ZBTB32: variants seen among roughly 807,000 people sequenced by gnomAD.
The protein encoded by ZBTB32 is zinc finger and BTB domain containing 32.
In ZBTB32, 28 loss-of-function variants were observed where a neutral mutation model predicts 45.3. The ratio of observed to expected loss-of-function variants is 0.62; its 90% confidence interval spans 0.46 to 0.85. ZBTB32 has a LOEUF of 0.85. Among genes scored for constraint, ZBTB32 ranks in the 40% least tolerant of loss-of-function variants. The pLI is 0.00. For synonymous variants in ZBTB32, 283 were observed against 255.7 expected, an observed-to-expected ratio of 1.11 and a Z score of -1.02; for missense variants, 587 against 624.4, an observed-to-expected ratio of 0.94 and a Z score of 0.64.
intron 1 of ZBTB32, among the ~76,000 whole-genome samples, chr19:35,710,445 G>A (rs935014621): frequency 2.6e-5 from 4 of 151,910 alleles, no homozygotes; most frequent in African/African-American, 9.7e-5. Flanking sequence ...GGGGGGCAAG[G>A]TTTTTGAGTC....
At chr19:35,707,711 G>A (rs1968582983) in intron 1 of ZBTB32, among the ~76,000 whole-genome samples, 2 of 152,112 alleles carry the variant, frequency 1.3e-5, no homozygotes, top group South Asian at 2.1e-4. Context: ...CCCAGGCTGG[G>A]TGGCTCACAC....
At position 35,715,413 on chromosome 19, in the gene ZBTB32, T is replaced by C; in HGVS notation, c.787T>C (p.Trp263Arg). The C allele has an allele frequency of 6.2e-7, 1 of 1,609,220 alleles. No homozygotes were observed. The highest frequency in any genetic ancestry group is 8.5e-7 in the Non-Finnish European group (1 of 1,178,350). The change falls in exon 3 of 7, where the codon TGG (tryptophan) becomes CGG (arginine). Residue 263 changes from tryptophan to arginine, a missense_variant. Coordinates refer to ENST00000392197, the MANE Select transcript of ZBTB32 (RefSeq NM_014383.3). ...GTTGGTGGGGGGCCAGCCTGCCCTG[T>C]GGAGCATCCTGCTGATGCCGCCCAG... The part of the protein sequence containing the change: ...PWLVGGQPAL[W>R]SILLMPPRYG...
chr19:35,707,515 A>G (rs905904482), intron 1 of ZBTB32, among the ~76,000 whole-genome samples: 6 of 151,646 alleles, frequency 4.0e-5, no homozygotes, highest in African/African-American at 1.5e-4. Context: ...GATTACAGGC[A>G]CGTGCCACCA....
Position 35,716,665 on chromosome 19 carries a change from G to A in ZBTB32, c.1377G>A (p.Trp459Ter), listed in dbSNP as rs1785921696. The A allele has an allele frequency of 4.3e-6, 7 of 1,613,964 alleles. No homozygotes were observed. The highest frequency in any genetic ancestry group is 5.9e-6 in the Non-Finnish European group (7 of 1,179,982). Residue 459 changes from tryptophan to a stop codon, truncating the protein, a stop_gained, in exon 7 of 7, where the codon TGG becomes TGA. Transcript: ENST00000392197. LOFTEE classifies it high-confidence loss of function. ...GHSPSQLPPG[W>*]TIRSTFLYSS... The stretch of plus-strand genomic sequence containing the variant: ...CGCCCAGCCAACTCCCGCCCGGATG[G>A]ACCATCCGCTCCACCTTCCTCTACT...
At chr19:35,715,872 C>T in intron 4 of ZBTB32, 42 bp downstream of exon 4, 6 of 1,609,820 alleles carry the variant, frequency 3.7e-6, no homozygotes, top group Non-Finnish European at 4.2e-6. Context: ...AACATGGTGT[C>T]TTCTCTGGGC....
Position 35,714,974 on chromosome 19 carries a change from G to A in ZBTB32, c.348G>A (p.Arg116=), listed in dbSNP as rs1383271109. The A allele has an allele frequency of 6.2e-7, 1 of 1,600,742 alleles. No individual in the cohort carries two copies. Among genetic ancestry groups the A allele is most frequent in the Admixed American group, 1.7e-5 (1 of 57,402 alleles). ...CATGCTGGAGGGCTCGAGGGGACAG[G>A]GCTAAAAAGCCAGATCCAGGCCTGA... ...EEACWRARGD[R]AKKPDPGLKK... Residue 116 remains arginine, a synonymous_variant, in exon 3 of 7, where the codon AGG becomes AGA. Transcript: ENST00000392197.
intron 1 of ZBTB32, among the ~76,000 whole-genome samples, chr19:35,707,786 A>G (rs1037861098): frequency 1.3e-5 from 2 of 152,066 alleles, no homozygotes; most frequent in Admixed American, 6.5e-5. Flanking sequence ...GTTTGAGACC[A>G]GCCTGGCCAA....
rs1325169169 is a variant in ZBTB32 at position 35,715,746 on chromosome 19, C to T, written c.882-11C>T. 1 of 1,601,718 alleles carries T rather than the reference C, an allele frequency of 6.2e-7. No individual in the cohort carries two copies. The highest frequency in any genetic ancestry group is 1.3e-5 in the African/African-American group (1 of 74,636). ...TAGCCAAGGCTGTAACTCTTCCCCACCCCATCCCAGGATCCCACTGTCCCT... is the reference window on the plus strand; with the variant it reads ...TAGCCAAGGCTGTAACTCTTCCCCATCCCATCCCAGGATCCCACTGTCCCT... On this transcript the variant is annotated splice_polypyrimidine_tract_variant and intron_variant, in intron 3 of 6. Transcript: ENST00000392197.
chr19:35,710,519 C>T (rs952362350), intron 1 of ZBTB32, among the ~76,000 whole-genome samples: 4 of 151,974 alleles, frequency 2.6e-5, no homozygotes, highest in South Asian at 2.1e-4. Flanking sequence ...ACCTGTAATC[C>T]CAGCAGTGGA....
Position 35,715,980 on chromosome 19 carries a change from A to G in ZBTB32, c.997A>G (p.Met333Val). ...QGPAQLSPGE[M>V]EESDQGHTGA... The stretch of plus-strand genomic sequence containing the variant: ...CCCCGCACAGCTCAGCCCTGGGGAG[A>G]TGGAAGAGTCTGATCAGGGGCACAC... Residue 333 changes from methionine to valine, a missense_variant, in exon 5 of 7, where the codon ATG becomes GTG. Physicochemically the swap from Met to Val is conservative, Grantham distance 21. Coordinates refer to ENST00000392197, the MANE Select transcript of ZBTB32 (RefSeq NM_014383.3). The G allele has an allele frequency of 6.2e-7, 1 of 1,612,850 alleles. No individual in the cohort carries two copies. The highest frequency in any genetic ancestry group is 8.5e-7 in the Non-Finnish European group (1 of 1,179,894).
intron 2 of ZBTB32, 59 bp from the exon 3 acceptor site, chr19:35,714,464 A>G: frequency 1.5e-6 from 1 of 688,334 alleles, no homozygotes; most frequent in Non-Finnish European, 2.2e-6. Context: ...TTGCTCACTC[A>G]GGACAGAGGG....
At chr19:35,711,793 G>A (rs1411136466) in intron 1 of ZBTB32, among the ~76,000 whole-genome samples, 4 of 152,036 alleles carry the variant, frequency 2.6e-5, no homozygotes, top group African/African-American at 4.8e-5. Flanking sequence ...GGGAGGCCGA[G>A]GTGGGTGGCT....
At chr19:35,709,796 T>C (rs973031319) in intron 1 of ZBTB32, among the ~76,000 whole-genome samples, 31 of 151,976 alleles carry the variant, frequency 2.0e-4, no homozygotes, top group African/African-American at 7.5e-4. Context: ...GGAGAATCAC[T>C]TGAACCCAGG....
intron 2 of ZBTB32, chr19:35,713,455 G>GTGAGTGATAGCCTCTCT (rs1447721061): frequency 6.6e-6 from 1 of 152,338 alleles, no homozygotes; most frequent in Non-Finnish European, 1.5e-5. Flanking sequence ...GCTACAAGCG[G>GTGAGTGATAGCCTCTCT]TGAGTGATAG....
Position 35,714,690 on chromosome 19 carries a change from G to A in ZBTB32, c.64G>A (p.Ala22Thr). The change falls in exon 3 of 7, where the codon GCC becomes ACC. Residue 22 changes from alanine (A) to threonine (T), a missense_variant. Transcript: ENST00000392197. ...YGSDRLVQLA[A>T]RLRPALCDTL... is the part of the protein sequence containing the mutation. ...CTCTGATCGGCTGGTACAGCTAGCA[G>A]CCAGGCTCCGGCCAGCACTCTGTGA... The A allele has an allele frequency of 6.2e-7, 1 of 1,607,128 alleles. No homozygotes were observed.
At chr19:35,709,664 G>A (rs2146411938) in intron 1 of ZBTB32, among the ~76,000 whole-genome samples, 1 of 152,306 alleles carries the variant, frequency 6.6e-6, no homozygotes, top group Middle Eastern at 3.4e-3. Context: ...CAGATCATGA[G>A]GTCAGGAGTT....
chr19:35,715,113 G>A lies in ZBTB32; in HGVS notation c.487G>A (p.Glu163Lys), dbSNP rs760380964. Residue 163 changes from glutamate (E) to lysine (K), a missense_variant, in exon 3 of 7, where the codon GAG becomes AAG. Glu to Lys is a moderately conservative substitution (Grantham distance 56, BLOSUM62 1). Coordinates refer to ENST00000392197, the MANE Select transcript of ZBTB32 (RefSeq NM_014383.3). The part of the protein sequence containing the change: ...QVSRTGGREQ[E>K]MLHKHSPPRG... ...TTCTAGAACTGGTGGGAGAGAACAG[G>A]AGATGTTGCACAAGCACTCGCCACC... 1 of 1,614,066 alleles carries A rather than the reference G, an allele frequency of 6.2e-7. No individual in the cohort carries two copies. The highest frequency in any genetic ancestry group is 2.2e-5 in the East Asian group (1 of 44,892).
chr19:35,708,478 C>G (rs1442192366), intron 1 of ZBTB32, among the ~76,000 whole-genome samples: 1 of 152,218 alleles, frequency 6.6e-6, no homozygotes, highest in African/African-American at 2.4e-5. Flanking sequence ...CACTAGTATT[C>G]TGTACTGGTC....
At chr19:35,709,287 T>A (rs1324835413) in intron 1 of ZBTB32, among the ~76,000 whole-genome samples, 2 of 152,216 alleles carry the variant, frequency 1.3e-5, no homozygotes, top group African/African-American at 4.8e-5. Context: ...CAACTTGGCT[T>A]GGGAAGAGGG....
Sources: allele counts gnomAD v4.1 joint callset (sites outside exome capture counted in the v4.1 genomes callset), GRCh38; gene constraint gnomAD v4.1.1; transcripts MANE v1.5; gene names NCBI Gene and HGNC (gene_info 2026-07-23, HGNC 2026-07-21).